Variants in KLHL17 observed in about 807,000 individuals in gnomAD.
The protein encoded by KLHL17 is kelch like family member 17.
A neutral mutation model predicts 64.6 loss-of-function variants in KLHL17; 71 were observed. That is an observed-to-expected ratio of 1.10 (90% CI 0.91 to 1.34). KLHL17 has a LOEUF of 1.34. Ranked by LOEUF, KLHL17 falls within the 40% of genes most tolerant of loss-of-function variation. KLHL17 has a pLI of 0.00. For missense variants in KLHL17, 1,140 were observed against 935.0 expected, an observed-to-expected ratio of 1.22 and a Z score of -2.86; for synonymous variants, 612 against 405.4, an observed-to-expected ratio of 1.51 and a Z score of -6.12.
rs1296223079 is a variant in KLHL17, at chr1:960,755, G to A, written c.62G>A (p.Gly21Glu). ...RTQSPEHGSP[G>E]PGPEAPPPPP... ...CAGAGCCCGGAGCACGGCAGCCCGGGGCCCGGGCCCGAGGCGCCGCCGCCT... is the reference window on the plus strand; with the variant it reads ...CAGAGCCCGGAGCACGGCAGCCCGGAGCCCGGGCCCGAGGCGCCGCCGCCT... Residue 21 changes from glycine (G) to glutamate (E), a missense_variant, in exon 1 of 12, where the codon GGG becomes GAG. By Grantham distance (98) the Gly-to-Glu change is moderately conservative. Transcript: ENST00000338591. 18 of 1,167,220 alleles carry A rather than the reference G, an allele frequency of 1.5e-5. No homozygotes were observed. In the African/African-American group the frequency reaches 2.3e-4, roughly 15 times the overall value. The allele number at this position is 1,167,220 out of a possible 1,614,324, so 72.3% of individuals were successfully genotyped here. A position where few individuals can be genotyped will look rare whatever the true frequency, so the allele number is the denominator to read the frequency against.
In KLHL17 at chr1:963,230, G is replaced by A; in HGVS notation, c.1164G>A (p.Gly388=). ...RRARVGVAAV[G]NRLYAVGGYD... ...CCCGGGTGGGAGTGGCTGCGGTGGG[G>A]AACCGGCTCTATGCTGTGGGCGGGT... The change falls in exon 7 of 12, where the codon GGG becomes GGA. Residue 388 remains glycine (G), a synonymous_variant. Transcript: ENST00000338591. The A allele has an allele frequency of 4.4e-6, 7 of 1,607,354 alleles. No individual in the cohort carries two copies. Among genetic ancestry groups the A allele is most frequent in the Non-Finnish European group, 6.0e-6 (7 of 1,176,058 alleles).
Position 961,321 on chromosome 1 carries a change from C to T in KLHL17, c.136C>T (p.Gln46Ter). ...APEAERTRPR[Q>*]ARPAAPMEGA... ...CGAGGCAGAGCGCACGCGGCCCCGG[C>T]AGGCTCGGCCCGCAGCCCCCATGGA... Residue 46 changes from glutamine to a stop codon, truncating the protein, a stop_gained, in exon 2 of 12, where the codon CAG (glutamine) becomes TAG (stop). Coordinates refer to ENST00000338591, the MANE Select transcript of KLHL17 (RefSeq NM_198317.3). LOFTEE classifies it high-confidence loss of function. 6.5e-7 allele frequency: 1 copy of T among 1,536,078 alleles called. No homozygotes were observed. Among genetic ancestry groups the T allele is most frequent in the African/African-American group, 1.4e-5 (1 of 72,698 alleles).
chr1:964,792 A>G (rs1298676005), intron 11 of KLHL17, among the ~76,000 whole-genome samples, 171 bp from the exon 12 acceptor site: 2 of 23,520 alleles, frequency 8.5e-5, no homozygotes, highest in African/African-American at 2.7e-4. Flanking sequence ...GCGGGTCCGC[A>G]GTGGGGATGT....
chr1:965,205 A>G lies in KLHL17; in HGVS notation c.*14A>G. 6.2e-7 allele frequency: 1 copy of G among 1,608,342 alleles called. No individual in the cohort carries two copies. The highest frequency in any genetic ancestry group is 1.3e-5 in the African/African-American group (1 of 74,984). On this transcript the variant is annotated 3_prime_UTR_variant, in exon 12 of 12. Transcript: ENST00000338591. ...ACCAGCCTCTGACCCACCTACCACC[A>G]GAGGCCTGCAGCCTCCCACATGCCT...
At chr1:962,565 A>T in intron 5 of KLHL17, 94 bp downstream of exon 5, 5 of 1,547,018 alleles carry the variant, frequency 3.2e-6, no homozygotes, top group Non-Finnish European at 4.4e-6. Flanking sequence ...GAGTTCAGGG[A>T]CTCCGTGGGG....
At chr1:963,695 G>T in intron 8 of KLHL17, 191 bp downstream of exon 8, 1 of 832,974 alleles carries the variant, frequency 1.2e-6, no homozygotes, top group Non-Finnish European at 1.8e-6. Context: ...CCTCTCTCGG[G>T]TCCTTACCCC....
At chr1:961,581 G>T (rs1161890338) in intron 2 of KLHL17, 29 bp downstream of exon 2, 1 of 1,612,700 alleles carries the variant, frequency 6.2e-7, no homozygotes, top group Non-Finnish European at 8.5e-7. Context: ...GGCGCTGGGG[G>T]CTCCGTGGGT....
chr1:964,112 A>C lies in KLHL17; in HGVS notation c.1450A>C (p.Asn484His). ...RYVRVATLDG[N>H]LYAVGGYDSS... ...GGTGTGTTGACTTCCGGCAGATGGG[A>C]ACCTGTATGCTGTGGGCGGCTACGA... The change falls in exon 10 of 12, where the codon AAC (asparagine) becomes CAC (histidine). Residue 484 changes from asparagine to histidine, a missense_variant. Asn to His is a moderately conservative substitution (Grantham distance 68). Coordinates refer to ENST00000338591, the MANE Select transcript of KLHL17 (RefSeq NM_198317.3). The C allele has an allele frequency of 1.9e-6, 3 of 1,612,642 alleles. No homozygotes were observed. Among genetic ancestry groups the C allele is most frequent in the Non-Finnish European group, 2.5e-6 (3 of 1,179,910 alleles).
intron 5 of KLHL17, 35 bp from the exon 6 acceptor site, chr1:962,669 G>C (rs755975870): frequency 8.4e-6 from 13 of 1,555,436 alleles, no homozygotes; most frequent in Admixed American, 5.4e-5. Context: ...TGTGCCCGAG[G>C]GTCCCGCCTG....
intron 5 of KLHL17, 63 bp from the exon 6 acceptor site, chr1:962,641 C>T (rs1403770957): frequency 6.5e-7 from 1 of 1,534,552 alleles, no homozygotes; most frequent in Non-Finnish European, 8.7e-7. Context: ...GGGGGGTTGT[C>T]TCAGCCCTGA....
At position 963,133 on chromosome 1, in the gene KLHL17, A is replaced by T; in HGVS notation, c.1067A>T (p.His356Leu). 1 of 1,612,032 alleles carries T rather than the reference A, an allele frequency of 6.2e-7. No individual in the cohort carries two copies. ...AVGGGSLFAI[H>L]GDCEAYDTRT... ...GGCGGCGGGAGCCTGTTTGCCATCC[A>T]CGGAGACTGTGAGGCCTACGACACG... Residue 356 changes from histidine to leucine, a missense_variant, in exon 7 of 12, where the codon CAC becomes CTC. Physicochemically the swap from His to Leu is moderately conservative, Grantham distance 99. Transcript: ENST00000338591.
In KLHL17 at chr1:961,881, G is replaced by A. The variant is rs202222378; in HGVS notation, c.545G>A (p.Cys182Tyr). ...LQLNGVRDAC[C>Y]KFLLSQLDPS... The stretch of plus-strand genomic sequence containing the variant: ...CTGAATGGCGTCCGAGACGCTTGCT[G>A]CAAGTTTCTACTGAGTCAGCTCGAC... The change falls in exon 4 of 12, where the codon TGC becomes TAC. Residue 182 changes from cysteine to tyrosine, a missense_variant. Cys to Tyr is a radical substitution (Grantham distance 194, BLOSUM62 -2). Coordinates refer to ENST00000338591, the MANE Select transcript of KLHL17 (RefSeq NM_198317.3). The A allele has an allele frequency of 1.2e-6, 2 of 1,612,442 alleles. No individual in the cohort carries two copies. The highest frequency in any genetic ancestry group is 1.7e-6 in the Non-Finnish European group (2 of 1,180,004).
At position 961,560 on chromosome 1, in the gene KLHL17, C is replaced by T. The variant is rs373847698; in HGVS notation, c.367+8C>T. On this transcript the variant is annotated splice_region_variant and intron_variant, in intron 2 of 11. Transcript: ENST00000338591. ...TCCACGCCATGTTCACAAGCAAGTA[C>T]CCGCCTGGGCGGCGCTGGGGGCTCC... 2.8e-5 allele frequency: 45 copies of T among 1,612,566 alleles called. No homozygotes were observed. The African/African-American group carries it at 3.5e-4, about 12-fold the overall frequency.
At chr1:964,930 T>A in intron 11 of KLHL17, 33 bp from the exon 12 acceptor site, 1 of 1,504,434 alleles carries the variant, frequency 6.6e-7, no homozygotes, top group Non-Finnish European at 9.1e-7. Flanking sequence ...CATCCCTTCC[T>A]GCAGCCAGGG....
rs781385735 is a variant in KLHL17 at position 961,625 on chromosome 1, G to C, written c.368-4G>C. 3.1e-6 allele frequency: 5 copies of C among 1,612,652 alleles called. No homozygotes were observed. The highest frequency in any genetic ancestry group is 1.1e-5 in the South Asian group (1 of 91,092). ...TCAGCTCGTGTAACCCGCTGTCCCC[G>C]CAGATGAGATGAGCGAGAGCCGCCA... On this transcript the variant is annotated splice_polypyrimidine_tract_variant and splice_region_variant and intron_variant, in intron 2 of 11. Coordinates refer to ENST00000338591, the MANE Select transcript of KLHL17 (RefSeq NM_198317.3).
chr1:963,606 G>T, intron 8 of KLHL17, 102 bp downstream of exon 8: 1 of 1,357,214 alleles, frequency 7.4e-7, no homozygotes, highest in Non-Finnish European at 9.9e-7. Flanking sequence ...GTTAAAGGAG[G>T]TGATCCGCGA....
intron 6 of KLHL17, 30 bp from the exon 7 acceptor site, chr1:963,079 A>T: frequency 6.2e-7 from 1 of 1,606,536 alleles, no homozygotes; most frequent in Non-Finnish European, 8.5e-7. Flanking sequence ...GGATCCACTC[A>T]CGAGTCCCGT....
In KLHL17 at chr1:964,444, C is replaced by T. The variant is rs201807567; in HGVS notation, c.1614C>T (p.Asn538=). ...LEGALYVAGG[N]DGTSCLNSVE... is the part of the protein sequence containing the mutation. The stretch of plus-strand genomic sequence containing the variant: ...GTGCCCTGTACGTGGCAGGGGGCAA[C>T]GACGGCACCAGCTGCCTCAACTCGG... The change falls in exon 11 of 12, where the codon AAC becomes AAT. Residue 538 remains asparagine (N), a synonymous_variant. Transcript: ENST00000338591. The T allele has an allele frequency of 4.9e-3, 7,616 of 1,546,760 alleles. 40 individuals are homozygous for T. The highest frequency in any genetic ancestry group is 4.7e-3 in the Non-Finnish European group (5,438 of 1,146,654).
chr1:960,759 C>T lies in KLHL17; in HGVS notation c.66C>T (p.Pro22=), dbSNP rs1035425817. 13 of 1,152,336 alleles carry T rather than the reference C, an allele frequency of 1.1e-5. No homozygotes were observed. In the African/African-American group the frequency reaches 1.1e-4, roughly 10 times the overall value. The allele number at this position is 1,152,336 out of a possible 1,614,324, so 71.4% of individuals were successfully genotyped here. The change falls in exon 1 of 12, where the codon CCC becomes CCT. Residue 22 remains proline (P), a synonymous_variant. Coordinates refer to ENST00000338591, the MANE Select transcript of KLHL17 (RefSeq NM_198317.3). ...TQSPEHGSPG[P]GPEAPPPPPP... ...GCCCGGAGCACGGCAGCCCGGGGCC[C>T]GGGCCCGAGGCGCCGCCGCCTCCAC...
Sources: allele counts gnomAD v4.1 joint callset (sites outside exome capture counted in the v4.1 genomes callset), GRCh38; gene constraint gnomAD v4.1.1; transcripts MANE v1.5; gene names NCBI Gene and HGNC (gene_info 2026-07-23, HGNC 2026-07-21).